NBEA: variants seen among roughly 807,000 people sequenced by gnomAD.
NBEA encodes lysosomal-trafficking regulator 2.
In NBEA, 44 loss-of-function variants were observed where a neutral mutation model predicts 343.4. The observed-to-expected ratio is 0.13, with a 90% CI of 0.10 to 0.16. The LOEUF is 0.16. Ranked by LOEUF, NBEA falls within the 10% of genes least tolerant of loss-of-function variation. The pLI is 1.00. For missense variants in NBEA, 2,555 were observed against 3,631.3 expected (o/e 0.70, Z 7.62); for synonymous variants, 1,175 against 1,238.7 (o/e 0.95, Z 1.08).
intron 38 of NBEA, among the ~76,000 whole-genome samples, chr13:35,396,189 C>T (rs2042737872): frequency 6.6e-6 from 1 of 152,060 alleles, no homozygotes; most frequent in African/African-American, 2.4e-5. Flanking sequence ...GCCACTGCAC[C>T]TAGTGGGTAT....
chr13:35,291,742 C>T (rs1372251812), intron 35 of NBEA, among the ~76,000 whole-genome samples: 1 of 151,820 alleles, frequency 6.6e-6, no homozygotes, highest in African/African-American at 2.4e-5. Context: ...TCTTTGATGG[C>T]CTCATCATCT....
At chr13:35,419,777 T>C (rs1465946552) in intron 38 of NBEA, among the ~76,000 whole-genome samples, 7 of 151,570 alleles carry the variant, frequency 4.6e-5, no homozygotes, top group African/African-American at 1.7e-4. Context: ...CACAAAGCTC[T>C]GAGATAGATA....
In NBEA at chr13:35,330,308, C is replaced by G. The variant is rs145602200; in HGVS notation, c.5904-18800C>G. Among the ~76,000 whole-genome samples the G allele has an allele frequency of 1.5e-3, 228 of 152,152 alleles. 1 individual carries two copies. Among genetic ancestry groups the G allele is most frequent in the African/African-American group, 5.3e-3 (222 of 41,546 alleles). On this transcript the variant is annotated intron_variant, in intron 36 of 58. Transcript: ENST00000379939. ...ATGTTTCTGGAACATAATAAAGACT[C>G]AAGAAATGTCATTTGTTTTTATCAG...
chr13:35,135,005 A>T (rs2067638446), intron 17 of NBEA, among the ~76,000 whole-genome samples: 1 of 152,024 alleles, frequency 6.6e-6, no homozygotes, highest in African/African-American at 2.4e-5. Context: ...GTGTTCATTC[A>T]TTCGGTTTTT....
At chr13:35,085,447 G>A (rs1447825003) in intron 10 of NBEA, among the ~76,000 whole-genome samples, 2 of 152,116 alleles carry the variant, frequency 1.3e-5, no homozygotes, top group Non-Finnish European at 2.9e-5. Flanking sequence ...ATCAATAAAT[G>A]TAATCCAGCA....
intron 1 of NBEA, among the ~76,000 whole-genome samples, chr13:34,944,347 C>T (rs1240084394): frequency 2.0e-5 from 3 of 152,148 alleles, no homozygotes; most frequent in African/African-American, 4.8e-5. Flanking sequence ...CAGTGGTGTC[C>T]TGAGACATGC....
At chr13:35,473,009 A>C (rs2075720435) in intron 41 of NBEA, among the ~76,000 whole-genome samples, 1 of 152,208 alleles carries the variant, frequency 6.6e-6, no homozygotes, top group Non-Finnish European at 1.5e-5. Context: ...CATCTCCTGA[A>C]ATAAGAATGG....
intron 38 of NBEA, among the ~76,000 whole-genome samples, chr13:35,431,892 A>G (rs2045138455): frequency 6.6e-6 from 1 of 152,112 alleles, no homozygotes; most frequent in Non-Finnish European, 1.5e-5. Flanking sequence ...GTGATTTACA[A>G]CCCTTGTTAA....
At chr13:34,951,390 A>G in intron 1 of NBEA, among the ~76,000 whole-genome samples, 1 of 152,364 alleles carries the variant, frequency 6.6e-6, no homozygotes, top group East Asian at 1.9e-4. Flanking sequence ...ATATATGTAA[A>G]GTGCTTGGTA....
At chr13:35,377,241 G>T (rs1308670400) in intron 38 of NBEA, among the ~76,000 whole-genome samples, 1 of 152,174 alleles carries the variant, frequency 6.6e-6, no homozygotes, top group East Asian at 1.9e-4. Flanking sequence ...CTAATAAACA[G>T]CAAGGAGCAG....
At chr13:35,626,306 G>T (rs2083227792) in intron 48 of NBEA, among the ~76,000 whole-genome samples, 1 of 152,132 alleles carries the variant, frequency 6.6e-6, no homozygotes, top group African/African-American at 2.4e-5. Flanking sequence ...GAAAATAGGA[G>T]ATGGAGATAA....
intron 35 of NBEA, among the ~76,000 whole-genome samples, chr13:35,292,015 G>C (rs976884212): frequency 5.3e-5 from 8 of 151,910 alleles, no homozygotes; most frequent in Non-Finnish European, 1.2e-4. Context: ...CCTCATTTAA[G>C]TAACTTAAGA....
chr13:35,239,827 A>T (rs959398342), intron 34 of NBEA, among the ~76,000 whole-genome samples: 1 of 151,098 alleles, frequency 6.6e-6, no homozygotes, highest in South Asian at 2.1e-4. Context: ...AGAAACTGGG[A>T]CTTTATCATA....
At chr13:35,124,689 GAT>G (rs1203126049) in intron 17 of NBEA, among the ~76,000 whole-genome samples, 2 of 149,214 alleles carry the variant, frequency 1.3e-5, no homozygotes, top group African/African-American at 4.9e-5. Context: ...CACATGTATG[GAT>G]ATATATACAC....
chr13:35,582,074 C>T (rs2081077934), intron 45 of NBEA, among the ~76,000 whole-genome samples: 1 of 152,018 alleles, frequency 6.6e-6, no homozygotes, highest in African/African-American at 2.4e-5. Context: ...ATCATGAGGT[C>T]AGGAGATTGA....
At chr13:35,321,374 T>G (rs1002264593) in intron 36 of NBEA, among the ~76,000 whole-genome samples, 2 of 152,194 alleles carry the variant, frequency 1.3e-5, no homozygotes, top group Non-Finnish European at 2.9e-5. Flanking sequence ...TGCTGGAGTT[T>G]GCTGGAGGTC....
At chr13:35,418,718 ATAT>A (rs1329143892) in intron 38 of NBEA, among the ~76,000 whole-genome samples, 1 of 152,028 alleles carries the variant, frequency 6.6e-6, no homozygotes, top group Non-Finnish European at 1.5e-5. Context: ...TTTTTTGAAC[ATAT>A]TATTCTACAG....
At chr13:35,077,139 A>G (rs1167584496) in intron 10 of NBEA, among the ~76,000 whole-genome samples, 1 of 152,110 alleles carries the variant, frequency 6.6e-6, no homozygotes, top group African/African-American at 2.4e-5. Flanking sequence ...AAAGCATACT[A>G]AGGAGATTCT....
At chr13:35,068,071 C>A (rs2063721550) in intron 8 of NBEA, among the ~76,000 whole-genome samples, 1 of 151,950 alleles carries the variant, frequency 6.6e-6, no homozygotes, top group African/African-American at 2.4e-5. Flanking sequence ...ATAGAAATAA[C>A]CTAATACTGC....
Sources: allele counts gnomAD v4.1 joint callset (sites outside exome capture counted in the v4.1 genomes callset), GRCh38; gene constraint gnomAD v4.1.1; transcripts MANE v1.5; gene names NCBI Gene and HGNC (gene_info 2026-07-23, HGNC 2026-07-21).